The following SNAP91 variants were observed in gnomAD, a reference collection of about 807,000 sequenced individuals.
The protein encoded by SNAP91 is clathrin coat assembly protein AP180.
A neutral mutation model predicts 100.3 loss-of-function variants in SNAP91; 27 were observed. The observed-to-expected ratio is 0.27, with a 90% CI of 0.20 to 0.37. SNAP91 has a LOEUF of 0.37. Among genes scored for constraint, SNAP91 ranks in the 10% least tolerant of loss-of-function variants. SNAP91 has a pLI of 1.00. For synonymous variants in SNAP91, 404 were observed against 398.6 expected, an observed-to-expected ratio of 1.01 and a Z score of -0.16; for missense variants, 986 against 1,123.7, an observed-to-expected ratio of 0.88 and a Z score of 1.75.
intron 2 of SNAP91, among the ~76,000 whole-genome samples, chr6:83,687,196 G>T (rs911669673): frequency 2.6e-5 from 4 of 152,120 alleles, no homozygotes; most frequent in African/African-American, 9.7e-5. Flanking sequence ...AGGAGGATTT[G>T]TGGTAAAATA....
intron 14 of SNAP91, among the ~76,000 whole-genome samples, chr6:83,603,622 C>G (rs1452530432): frequency 1.3e-5 from 2 of 151,034 alleles, no homozygotes; most frequent in Admixed American, 6.6e-5. Flanking sequence ...AAAATAAAAG[C>G]TATAATATCT....
rs2098472247 is a variant in SNAP91, at chr6:83,658,985, A to G, written c.546+14T>C. 1.3e-6 allele frequency: 2 copies of G among 1,558,790 alleles called. No individual in the cohort carries two copies. Among genetic ancestry groups the G allele is most frequent in the Non-Finnish European group, 1.8e-6 (2 of 1,141,374 alleles). On this transcript the variant is annotated intron_variant, in intron 6 of 29. Coordinates refer to ENST00000369694, the MANE Select transcript of SNAP91 (RefSeq NM_001242792.2). The stretch of plus-strand genomic sequence containing the variant: ...ATTGATTGTGTATGAAACATTTTCT[A>G]GTGAGATACATACATCAAATTCAAG...
intron 2 of SNAP91, among the ~76,000 whole-genome samples, chr6:83,670,659 A>AT (rs2098769014): frequency 6.6e-6 from 1 of 151,962 alleles, no homozygotes; most frequent in South Asian, 2.1e-4. Context: ...ACTTAGGTCA[A>AT]TAATACATTG....
At chr6:83,698,394 C>A (rs1340649289) in intron 2 of SNAP91, among the ~76,000 whole-genome samples, 1 of 151,522 alleles carries the variant, frequency 6.6e-6, no homozygotes, top group Non-Finnish European at 1.5e-5. Flanking sequence ...GAGGAGACTG[C>A]CCTGAAGTCA....
At chr6:83,649,531 A>G (rs1044998267) in intron 7 of SNAP91, among the ~76,000 whole-genome samples, 1 of 152,152 alleles carries the variant, frequency 6.6e-6, no homozygotes, top group African/African-American at 2.4e-5. Flanking sequence ...AGTGTCTCTA[A>G]GTCCATCTCA....
chr6:83,570,549 G>GGGC (rs1284277141), intron 26 of SNAP91, among the ~76,000 whole-genome samples: 118 of 139,372 alleles, frequency 8.5e-4, no homozygotes, highest in African/African-American at 3.2e-3. Context: ...GGAGGTTTAC[G>GGGC]GGGTGGCGGG....
At chr6:83,560,269 T>C in intron 27 of SNAP91, 61 bp from the exon 28 acceptor site, 1 of 1,123,092 alleles carries the variant, frequency 8.9e-7, no homozygotes, top group Non-Finnish European at 1.3e-6. Context: ...GGCACTATCC[T>C]GACATTTATT....
intron 24 of SNAP91, 76 bp downstream of exon 24, chr6:83,580,373 GA>G: frequency 7.2e-7 from 1 of 1,388,576 alleles, no homozygotes; most frequent in Non-Finnish European, 9.9e-7. Context: ...TGAGATGAGA[GA>G]GAGAGAGAGA....
At chr6:83,672,662 G>A (rs535052309) in intron 2 of SNAP91, among the ~76,000 whole-genome samples, 1 of 152,150 alleles carries the variant, frequency 6.6e-6, no homozygotes, top group East Asian at 1.9e-4. Flanking sequence ...ATGAAAGATG[G>A]CTGTAACTGG....
intron 7 of SNAP91, among the ~76,000 whole-genome samples, chr6:83,652,113 T>C (rs1270164107): frequency 6.6e-6 from 1 of 152,174 alleles, no homozygotes; most frequent in Non-Finnish European, 1.5e-5. Context: ...AGATTTCCTA[T>C]AGACAACATA....
At chr6:83,587,416 G>A (rs918372152) in intron 22 of SNAP91, among the ~76,000 whole-genome samples, 1 of 152,036 alleles carries the variant, frequency 6.6e-6, no homozygotes, top group Admixed American at 6.5e-5. Context: ...CAGGATTCTA[G>A]AGAATCTTTT....
intron 9 of SNAP91, 122 bp downstream of exon 9, chr6:83,623,178 CA>C (rs2096797802): frequency 1.2e-5 from 8 of 663,556 alleles, no homozygotes; most frequent in Non-Finnish European, 2.1e-5. Flanking sequence ...GAATAATTTC[CA>C]AGAAAGTTGG....
At chr6:83,646,597 T>A (rs1022923844) in intron 7 of SNAP91, among the ~76,000 whole-genome samples, 1 of 152,314 alleles carries the variant, frequency 6.6e-6, no homozygotes, top group Non-Finnish European at 1.5e-5. Flanking sequence ...AATATCTTGA[T>A]TACTGTAGTA....
At chr6:83,605,583 C>T in intron 14 of SNAP91, 102 bp downstream of exon 14, 1 of 1,440,912 alleles carries the variant, frequency 6.9e-7, no homozygotes, top group South Asian at 1.3e-5. Context: ...TTTCTAATAC[C>T]ATTTTAGATA....
chr6:83,556,342 GGAGAGAGA>G (rs1184252930), intron 28 of SNAP91, 97 bp from the exon 29 acceptor site: 70 of 19,720 alleles, frequency 3.5e-3, no homozygotes, highest in South Asian at 5.0e-3. Context: ...AGGGAGAGGG[GGAGAGAGA>G]GAGAGAGAGA....
chr6:83,580,339 A>AAG, intron 24 of SNAP91, 111 bp downstream of exon 24: 1 of 1,127,788 alleles, frequency 8.9e-7, no homozygotes, highest in South Asian at 1.6e-5. Flanking sequence ...ACTCACCCAT[A>AAG]AGAGAGTCCA....
chr6:83,650,290 T>C (rs1342347569), intron 7 of SNAP91, among the ~76,000 whole-genome samples: 1 of 152,232 alleles, frequency 6.6e-6, no homozygotes, highest in Non-Finnish European at 1.5e-5. Context: ...TTAGCTAATT[T>C]ACCTCAGTTG....
chr6:83,594,453 G>A lies in SNAP91; in HGVS notation c.1353C>T (p.Ala451=). The part of the protein sequence containing the change: ...GDAFAASPGE[A]PAASEGAAAP... ...CGGCGGCCCCTTCGGATGCTGCAGG[G>A]GCCTCCCCAGGAGAAGCTGCAAAGG... Residue 451 remains alanine (A), a synonymous_variant, in exon 17 of 30, where the codon GCC becomes GCT. Transcript: ENST00000369694. The A allele has an allele frequency of 6.5e-7, 1 of 1,539,828 alleles. No individual in the cohort carries two copies. Among genetic ancestry groups the A allele is most frequent in the South Asian group, 1.2e-5 (1 of 81,754 alleles).
chr6:83,682,897 C>A (rs887380687), intron 2 of SNAP91, among the ~76,000 whole-genome samples: 1 of 151,898 alleles, frequency 6.6e-6, no homozygotes, highest in African/African-American at 2.4e-5. Flanking sequence ...TAATCTCACA[C>A]CTTCTCTTTG....
Sources: gnomAD v4.1 joint callset for allele counts (sites outside exome capture counted in the v4.1 genomes callset) on GRCh38, gnomAD v4.1.1 for gene constraint, MANE v1.5 for transcripts, NCBI Gene and HGNC (gene_info 2026-07-23, HGNC 2026-07-21) for gene names.